The following PDZD2 variants were observed in gnomAD, a reference collection of about 807,000 sequenced individuals.
The protein encoded by PDZD2 is PDZ domain containing 2.
A neutral mutation model predicts 220.7 loss-of-function variants in PDZD2; 90 were observed. The observed-to-expected ratio is 0.41, with a 90% CI of 0.34 to 0.49. PDZD2 has a LOEUF of 0.49. PDZD2 is among the 20% of genes least tolerant of loss of function. The pLI, the probability that PDZD2 is intolerant of heterozygous loss-of-function variation, is 0.28. For missense variants in PDZD2, 3,174 were observed against 3,608.5 expected (o/e 0.88, Z 3.08); for synonymous variants, 1,375 against 1,450.5 (o/e 0.95, Z 1.18).
In PDZD2 at chr5:32,110,160, T is replaced by C. The variant is rs1235664489; in HGVS notation, c.*2025T>C. On this transcript the variant is annotated 3_prime_UTR_variant, in exon 25 of 25. Coordinates refer to ENST00000438447, the MANE Select transcript of PDZD2 (RefSeq NM_178140.4). ...GAAAACTGCTTTTCGCCTCCACTCT[T>C]ACAGCTGTGCCTAATAATAATTAAT... The C allele has an allele frequency of 6.6e-6, 1 of 152,632 alleles. No individual in the cohort carries two copies. Among genetic ancestry groups the C allele is most frequent in the Non-Finnish European group, 1.5e-5 (1 of 68,046 alleles). 9.5% of individuals were successfully genotyped at this position (152,632 alleles called of 1,614,324 possible).
intron 1 of PDZD2, chr5:31,664,692 T>C (rs574851711): frequency 7.9e-5 from 12 of 152,082 alleles, no homozygotes; most frequent in African/African-American, 2.7e-4. Context: ...CAAAAGAAAA[T>C]TGGAAGAGGA....
intron 2 of PDZD2, among the ~76,000 whole-genome samples, chr5:31,869,587 A>G (rs1738585403): frequency 6.6e-6 from 1 of 152,172 alleles, no homozygotes; most frequent in African/African-American, 2.4e-5. Context: ...AACAAAAGAA[A>G]AAAGAAATGT....
At position 31,731,851 on chromosome 5, in the gene PDZD2, T is replaced by C. The variant is rs576600244; in HGVS notation, c.-360-67038T>C. 1.3e-3 allele frequency among the ~76,000 whole-genome samples: 205 copies of C among 152,348 alleles called. 1 individual carries two copies. Among genetic ancestry groups the C allele is most frequent in the African/African-American group, 4.9e-3 (203 of 41,584 alleles). On this transcript the variant is annotated intron_variant, in intron 1 of 24. Coordinates refer to ENST00000438447, the MANE Select transcript of PDZD2 (RefSeq NM_178140.4). ...TTTGTTTGAATAACTTATCAGTTCA[T>C]TGGGGCATATACTTAAGAGTGGAAT...
In PDZD2 at chr5:32,097,211, G is replaced by A. The variant is rs113816298; in HGVS notation, c.7846-68G>A. The A allele has an allele frequency of 2.0e-5, 20 of 980,502 alleles. No individual in the cohort carries two copies. In the East Asian group the frequency reaches 2.6e-4, roughly 13 times the overall value. The allele number at this position is 980,502 out of a possible 1,614,324, so 60.7% of individuals were successfully genotyped here. On this transcript the variant is annotated intron_variant, in intron 21 of 24. Coordinates refer to ENST00000438447, the MANE Select transcript of PDZD2 (RefSeq NM_178140.4). ...AGCTTCCTTACTCCTGGCCCAAGGG[G>A]ATATGTTTTTCTTTCTTAATTTTTT... is the stretch of plus-strand genomic sequence containing the variant.
intron 5 of PDZD2, among the ~76,000 whole-genome samples, 177 bp from the exon 6 acceptor site, chr5:32,010,153 T>C (rs1212606623): frequency 6.6e-6 from 1 of 151,894 alleles, no homozygotes; most frequent in Non-Finnish European, 1.5e-5. Context: ...AAAAATGGAT[T>C]TGGGTTTAAA....
At chr5:31,812,035 T>A (rs1009145772) in intron 2 of PDZD2, among the ~76,000 whole-genome samples, 21 of 143,684 alleles carry the variant, frequency 1.5e-4, no homozygotes, top group Admixed American at 3.4e-4. Flanking sequence ...AATAAATAAA[T>A]AAAAATTCAA....
At chr5:31,894,976 G>A (rs1183007904) in intron 2 of PDZD2, among the ~76,000 whole-genome samples, 5 of 151,860 alleles carry the variant, frequency 3.3e-5, no homozygotes, top group Non-Finnish European at 5.9e-5. Flanking sequence ...CGCAACCTCC[G>A]CCTCCTGGGT....
chr5:31,922,238 G>A (rs367888816), intron 2 of PDZD2, among the ~76,000 whole-genome samples: 8 of 152,188 alleles, frequency 5.3e-5, no homozygotes, highest in Non-Finnish European at 7.4e-5. Flanking sequence ...CAGAATGGAC[G>A]TAATTCCAAG....
At chr5:31,718,693 C>CTT (rs1561404554) in intron 1 of PDZD2, among the ~76,000 whole-genome samples, 2 of 130,472 alleles carry the variant, frequency 1.5e-5, no homozygotes, top group African/African-American at 5.5e-5. Flanking sequence ...GTAACAGCCT[C>CTT]ATTTTTTTTT....
intron 1 of PDZD2, chr5:31,657,073 A>G (rs1322762714): frequency 6.6e-6 from 1 of 152,240 alleles, no homozygotes; most frequent in Non-Finnish European, 1.5e-5. Context: ...AATGTCATAA[A>G]GCTGGAAAAT....
chr5:31,838,946 A>C (rs949886717), intron 2 of PDZD2, among the ~76,000 whole-genome samples: 1 of 152,142 alleles, frequency 6.6e-6, no homozygotes, highest in East Asian at 1.9e-4. Context: ...CAGCCTCTGC[A>C]TCCCCTATTC....
rs566731192 is a variant in PDZD2, at chr5:31,941,830, C to T, written c.477-41325C>T. 9.8e-5 allele frequency among the ~76,000 whole-genome samples: 15 copies of T among 152,304 alleles called. No homozygotes were observed. In the South Asian group the frequency reaches 2.9e-3, roughly 29 times the overall value. On this transcript the variant is annotated intron_variant, in intron 2 of 24. Coordinates refer to ENST00000438447, the MANE Select transcript of PDZD2 (RefSeq NM_178140.4). ...TAAAAGTGAATGGATTCAGCCATTT[C>T]AGTAGAAGAAACATCAGTCTTCGCT...
intron 2 of PDZD2, among the ~76,000 whole-genome samples, chr5:31,967,088 G>A (rs556308678): frequency 1.3e-4 from 20 of 152,316 alleles, no homozygotes; most frequent in African/African-American, 4.8e-4. Context: ...AAGCTGTTTT[G>A]ACATAAGTGA....
intron 2 of PDZD2, among the ~76,000 whole-genome samples, chr5:31,975,362 C>T (rs1385404998): frequency 2.6e-5 from 4 of 152,298 alleles, no homozygotes; most frequent in Admixed American, 2.6e-4. Context: ...CTTACTCACT[C>T]TCACGAGAAC....
chr5:31,888,107 C>T (rs1482562106), intron 2 of PDZD2, among the ~76,000 whole-genome samples: 3 of 152,034 alleles, frequency 2.0e-5, no homozygotes, highest in African/African-American at 7.2e-5. Flanking sequence ...AGAAGCTTTG[C>T]CTGCCTGCCT....
chr5:31,710,468 T>G (rs1748035905), intron 1 of PDZD2, among the ~76,000 whole-genome samples: 1 of 152,182 alleles, frequency 6.6e-6, no homozygotes, highest in Admixed American at 6.5e-5. Flanking sequence ...TGCAGCTTAC[T>G]GGTCACCTTG....
At chr5:31,747,632 T>G (rs1750679632) in intron 1 of PDZD2, 1 of 152,314 alleles carries the variant, frequency 6.6e-6, no homozygotes, top group African/African-American at 2.4e-5. Context: ...TTCCATGGCT[T>G]GGGGGCTCTG....
chr5:32,030,882 G>A (rs111812558), intron 6 of PDZD2, among the ~76,000 whole-genome samples: 3 of 152,012 alleles, frequency 2.0e-5, no homozygotes, highest in African/African-American at 7.2e-5. Flanking sequence ...GCATTTCTCG[G>A]CCCACTTTCA....
At chr5:32,091,572 T>G (rs902179111) in intron 20 of PDZD2, among the ~76,000 whole-genome samples, 1 of 152,128 alleles carries the variant, frequency 6.6e-6, no homozygotes, top group Admixed American at 6.6e-5. Flanking sequence ...TGTGAGCCAC[T>G]GCACCCGGCC....
Sources: gnomAD v4.1 joint callset for allele counts (sites outside exome capture counted in the v4.1 genomes callset) on GRCh38, gnomAD v4.1.1 for gene constraint, MANE v1.5 for transcripts, NCBI Gene and HGNC (gene_info 2026-07-23, HGNC 2026-07-21) for gene names.